The following IFNGR2 variants were observed in gnomAD, a reference collection of about 807,000 sequenced individuals.
IFNGR2 encodes interferon gamma receptor 2, also known as IFN-gamma receptor 2.
A neutral mutation model predicts 41.1 loss-of-function variants in IFNGR2; 15 were observed. That is an observed-to-expected ratio of 0.37 (90% CI 0.24 to 0.56). The LOEUF is 0.56. IFNGR2 is among the 20% of genes least tolerant of loss of function. IFNGR2 has a pLI of 0.81. For missense variants in IFNGR2, 362 were observed against 415.7 expected (o/e 0.87, Z 1.12); for synonymous variants, 161 against 171.6 (o/e 0.94, Z 0.48).
At chr21:33,404,674 C>T (rs1465721265) in intron 1 of IFNGR2, among the ~76,000 whole-genome samples, 1 of 152,094 alleles carries the variant, frequency 6.6e-6, no homozygotes, top group East Asian at 1.9e-4. Context: ...AGCAATCCAC[C>T]CGCCTTGGCC....
At chr21:33,430,734 T>C (rs2083878791) in intron 4 of IFNGR2, among the ~76,000 whole-genome samples, 1 of 152,212 alleles carries the variant, frequency 6.6e-6, no homozygotes, top group South Asian at 2.1e-4. Context: ...ATTACAGGCA[T>C]GAGCCACCAT....
intron 6 of IFNGR2, among the ~76,000 whole-genome samples, chr21:33,433,286 C>A (rs74415003): frequency 2.2e-3 from 333 of 152,272 alleles, no homozygotes; most frequent in African/African-American, 3.9e-3. Context: ...ATTTGGGTTA[C>A]AAATGGTATG....
chr21:33,426,858 G>GT, intron 3 of IFNGR2, 26 bp from the exon 4 acceptor site: 5 of 1,603,774 alleles, frequency 3.1e-6, no homozygotes, highest in Non-Finnish European at 4.3e-6. Context: ...TATGTGTGTG[G>GT]TTTTCTCTTT....
intron 3 of IFNGR2, among the ~76,000 whole-genome samples, chr21:33,422,571 A>G (rs1483279479): frequency 2.6e-5 from 4 of 152,146 alleles, no homozygotes; most frequent in African/African-American, 9.7e-5. Context: ...CACAATAAAA[A>G]ATTGGGGGAA....
At chr21:33,432,055 A>C in intron 4 of IFNGR2, 122 bp from the exon 5 acceptor site, 1 of 931,476 alleles carries the variant, frequency 1.1e-6, no homozygotes, top group South Asian at 1.3e-5. Context: ...TGACCCACTA[A>C]AAATGGCATC....
intron 2 of IFNGR2, among the ~76,000 whole-genome samples, chr21:33,421,065 T>G (rs2083787922): frequency 1.4e-5 from 2 of 141,030 alleles, no homozygotes; most frequent in Non-Finnish European, 3.1e-5. Flanking sequence ...GGCATGATGG[T>G]GCATGCCTGT....
chr21:33,411,994 A>T (rs777170129), intron 1 of IFNGR2, among the ~76,000 whole-genome samples: 294 of 152,314 alleles, frequency 1.9e-3, no homozygotes, highest in Non-Finnish European at 3.1e-4. Context: ...ATCATAGCAC[A>T]TGCACTACAG....
rs562395575 is a variant in IFNGR2 at position 33,423,509 on chromosome 21, G to A, written c.412+1824G>A. ...CTGGGTTCAAGTGATTCTCCCTCCC[G>A]GGTTCAAGTGAGCCTCCCAAGTAGC... On this transcript the variant is annotated intron_variant, in intron 3 of 6. Transcript: ENST00000290219. Among the ~76,000 whole-genome samples, 8 of 150,842 alleles carry A rather than the reference G, an allele frequency of 5.3e-5. No homozygotes were observed. In the East Asian group the frequency reaches 9.9e-4, roughly 19 times the overall value.
chr21:33,424,412 G>A (rs912883312), intron 3 of IFNGR2, among the ~76,000 whole-genome samples: 11 of 152,280 alleles, frequency 7.2e-5, no homozygotes, highest in Non-Finnish European at 1.0e-4. Context: ...TGCCGCTTCC[G>A]GCCGGAGTCA....
intron 2 of IFNGR2, among the ~76,000 whole-genome samples, chr21:33,417,095 C>CT (rs1225477655): frequency 7.5e-4 from 107 of 143,048 alleles, no homozygotes; most frequent in Middle Eastern, 3.5e-3. Flanking sequence ...CAGATAACTT[C>CT]TTTTTTTTTT....
chr21:33,417,890 A>C (rs1473462252), intron 2 of IFNGR2, among the ~76,000 whole-genome samples: 3 of 151,860 alleles, frequency 2.0e-5, no homozygotes, highest in African/African-American at 7.3e-5. Context: ...ATGGGATAAA[A>C]CGTTATTGCA....
chr21:33,410,222 A>G (rs889112898), intron 1 of IFNGR2, among the ~76,000 whole-genome samples: 1 of 147,780 alleles, frequency 6.8e-6, no homozygotes, highest in Admixed American at 6.8e-5. Flanking sequence ...GCTGGAGTGC[A>G]GTGGTGCAAT....
chr21:33,411,162 C>G lies in IFNGR2; in HGVS notation c.74-3726C>G, dbSNP rs1421725050. Among the ~76,000 whole-genome samples the G allele has an allele frequency of 3.3e-5, 5 of 152,332 alleles. No individual in the cohort carries two copies. The East Asian group carries it at 9.6e-4, about 29-fold the overall frequency. On this transcript the variant is annotated intron_variant, in intron 1 of 6. Coordinates refer to ENST00000290219, the MANE Select transcript of IFNGR2 (RefSeq NM_005534.4). ...GAAAAGATAGGGGATGATAGGAAAC[C>G]CGGATATAAGGCAGAACAATGTTGC...
At chr21:33,430,494 G>A (rs1233790257) in intron 4 of IFNGR2, among the ~76,000 whole-genome samples, 1 of 152,130 alleles carries the variant, frequency 6.6e-6, no homozygotes, top group Non-Finnish European at 1.5e-5. Context: ...CCAGGCTGGA[G>A]TGCAGTGGTG....
At chr21:33,412,495 G>A (rs1414218308) in intron 1 of IFNGR2, among the ~76,000 whole-genome samples, 5 of 152,162 alleles carry the variant, frequency 3.3e-5, no homozygotes, top group Non-Finnish European at 1.5e-5. Context: ...TGAGGTCCCC[G>A]ATACCGTCAA....
At chr21:33,429,656 T>A (rs1257326527) in intron 4 of IFNGR2, among the ~76,000 whole-genome samples, 1 of 152,074 alleles carries the variant, frequency 6.6e-6, no homozygotes, top group Non-Finnish European at 1.5e-5. Context: ...CAGGGAGGCT[T>A]ATGAGAGACC....
Position 33,417,891 on chromosome 21 carries a change from C to T in IFNGR2, c.206+2871C>T, listed in dbSNP as rs187701950. 6.0e-5 allele frequency among the ~76,000 whole-genome samples: 9 copies of T among 151,144 alleles called. 1 individual carries two copies. In the South Asian group the frequency reaches 1.3e-3, roughly 21 times the overall value. On this transcript the variant is annotated intron_variant, in intron 2 of 6. Transcript: ENST00000290219. ...AGATGCTTCTAAAAATGGGATAAAA[C>T]GTTATTGCATTAAAAAAAAAAACCT...
chr21:33,408,948 G>A (rs577316923), intron 1 of IFNGR2, among the ~76,000 whole-genome samples: 148 of 152,146 alleles, frequency 9.7e-4, no homozygotes, highest in Non-Finnish European at 1.9e-3. Context: ...GGAGGCCGAG[G>A]CAGGTGGATC....
At chr21:33,404,526 C>T (rs1187589659) in intron 1 of IFNGR2, among the ~76,000 whole-genome samples, 3 of 152,176 alleles carry the variant, frequency 2.0e-5, no homozygotes, top group Non-Finnish European at 4.4e-5. Context: ...CAGCCTCCGC[C>T]TCCCGTGCTC....
Sources: allele counts gnomAD v4.1 joint callset (sites outside exome capture counted in the v4.1 genomes callset), GRCh38; gene constraint gnomAD v4.1.1; transcripts MANE v1.5; gene names NCBI Gene and HGNC (gene_info 2026-07-23, HGNC 2026-07-21).